The following FBXW8 variants were observed in gnomAD, a reference collection of about 807,000 sequenced individuals.
The protein encoded by FBXW8 is F-box/WD repeat-containing protein 8.
In FBXW8, 57 loss-of-function variants were observed where a neutral mutation model predicts 65.3. The observed-to-expected ratio is 0.87, with a 90% CI of 0.71 to 1.09. FBXW8 has a LOEUF of 1.09. Ranked by LOEUF, FBXW8 falls within the 50% of genes least tolerant of loss-of-function variation. The pLI is 0.00. For missense variants in FBXW8, 777 were observed against 814.8 expected (o/e 0.95, Z 0.57); for synonymous variants, 308 against 330.2 (o/e 0.93, Z 0.73).
chr12:116,999,668 G>A (rs1953463103), intron 7 of FBXW8, among the ~76,000 whole-genome samples: 1 of 152,118 alleles, frequency 6.6e-6, no homozygotes, highest in Non-Finnish European at 1.5e-5. Context: ...AGGAGCATGG[G>A]TAAGGCCCCG....
chr12:116,942,219 G>A (rs557556185), intron 2 of FBXW8, among the ~76,000 whole-genome samples: 7 of 151,364 alleles, frequency 4.6e-5, no homozygotes, highest in African/African-American at 1.5e-4. Context: ...TGTAGAGATG[G>A]GGTCTCACTG....
intron 8 of FBXW8, among the ~76,000 whole-genome samples, chr12:117,015,854 C>T (rs1953937229): frequency 1.3e-5 from 2 of 152,202 alleles, no homozygotes; most frequent in South Asian, 4.1e-4. Context: ...TCCCTCATCC[C>T]CTCCAGCTTT....
At chr12:116,968,976 C>T (rs1204366657) in intron 5 of FBXW8, among the ~76,000 whole-genome samples, 1 of 151,954 alleles carries the variant, frequency 6.6e-6, no homozygotes, top group Admixed American at 6.5e-5. Flanking sequence ...CTCGGAGAGC[C>T]CATTTCTACC....
chr12:116,993,261 G>A (rs982637964), intron 7 of FBXW8, among the ~76,000 whole-genome samples: 6 of 151,586 alleles, frequency 4.0e-5, no homozygotes, highest in Non-Finnish European at 5.9e-5. Flanking sequence ...GTGCCACCAC[G>A]CCTGGCTAAT....
At chr12:117,013,659 C>T (rs1420383013) in intron 8 of FBXW8, among the ~76,000 whole-genome samples, 2 of 152,122 alleles carry the variant, frequency 1.3e-5, no homozygotes, top group Non-Finnish European at 2.9e-5. Flanking sequence ...TGGACTTTTA[C>T]AATAGCATCA....
chr12:116,932,767 C>T (rs558084360), intron 2 of FBXW8, among the ~76,000 whole-genome samples: 7 of 152,134 alleles, frequency 4.6e-5, no homozygotes, highest in Non-Finnish European at 7.4e-5. Flanking sequence ...CTCTTGACCT[C>T]GTGATCCACC....
intron 8 of FBXW8, among the ~76,000 whole-genome samples, chr12:117,011,089 T>C (rs1301536480): frequency 1.3e-5 from 2 of 151,394 alleles, no homozygotes; most frequent in African/African-American, 4.9e-5. Context: ...AAATTTTAGG[T>C]TTCTCCCCGC....
intron 1 of FBXW8, among the ~76,000 whole-genome samples, chr12:116,912,689 T>C (rs987138269): frequency 6.6e-6 from 1 of 152,140 alleles, no homozygotes; most frequent in Non-Finnish European, 1.5e-5. Context: ...GGTCTCGATC[T>C]CCTGACCTCG....
At chr12:116,942,715 C>T (rs183200925) in intron 2 of FBXW8, among the ~76,000 whole-genome samples, 275 of 150,712 alleles carry the variant, frequency 1.8e-3, no homozygotes, top group Admixed American at 2.8e-3. Flanking sequence ...TGTTGTTGAG[C>T]GCCTTTAGGG....
rs1437296386 is a variant in FBXW8, at chr12:116,936,010, G to A, written c.423+7883G>A. On this transcript the variant is annotated intron_variant, in intron 2 of 10. Transcript: ENST00000652555. The surrounding 1 kb of genome is among the most constrained non-coding windows in gnomAD (Gnocchi z 4.6). ...GCTGAGAATAAAACATAAAAAACCAGCTTCTCAGAGAGCTTCCATTGTATA... is the reference window on the plus strand; with the variant it reads ...GCTGAGAATAAAACATAAAAAACCAACTTCTCAGAGAGCTTCCATTGTATA... Among the ~76,000 whole-genome samples, 3 of 124,476 alleles carry A rather than the reference G, an allele frequency of 2.4e-5. No homozygotes were observed. The highest frequency in any genetic ancestry group is 3.3e-5 in the Non-Finnish European group (2 of 60,484). 81.7% of individuals were successfully genotyped at this position (124,476 alleles called of 152,430 possible).
At chr12:117,011,371 T>C (rs1040226145) in intron 8 of FBXW8, among the ~76,000 whole-genome samples, 1 of 152,154 alleles carries the variant, frequency 6.6e-6, no homozygotes, top group Non-Finnish European at 1.5e-5. Context: ...AAATAATATT[T>C]TCACCTCCCA....
chr12:116,967,924 G>C (rs755177728), intron 5 of FBXW8, among the ~76,000 whole-genome samples: 20 of 151,964 alleles, frequency 1.3e-4, no homozygotes, highest in African/African-American at 4.6e-4. Flanking sequence ...CTGCCACCAC[G>C]CCCAGCTAAT....
chr12:117,025,299 A>G (rs1954196927), intron 9 of FBXW8, among the ~76,000 whole-genome samples: 1 of 152,090 alleles, frequency 6.6e-6, no homozygotes, highest in Non-Finnish European at 1.5e-5. Flanking sequence ...GTGTCACTGT[A>G]CTCCAGCCTG....
intron 7 of FBXW8, among the ~76,000 whole-genome samples, chr12:117,009,151 C>G (rs1277505818): frequency 6.6e-6 from 1 of 152,170 alleles, no homozygotes; most frequent in Non-Finnish European, 1.5e-5. Context: ...GCAGGGGGAT[C>G]ACTTGAGCTC....
chr12:116,924,472 T>A (rs1052824823), intron 1 of FBXW8, among the ~76,000 whole-genome samples: 7 of 152,180 alleles, frequency 4.6e-5, no homozygotes, highest in Admixed American at 3.9e-4. Flanking sequence ...ATACAATAAA[T>A]TGTTGTGAAT....
At chr12:116,911,469 A>C (rs1215630524) in intron 1 of FBXW8, 114 bp downstream of exon 1, 1 of 700,548 alleles carries the variant, frequency 1.4e-6, no homozygotes, top group Non-Finnish European at 2.0e-6. Context: ...CGAGAAAATG[A>C]GTAGACGCAC....
intron 5 of FBXW8, among the ~76,000 whole-genome samples, chr12:116,974,240 CTT>C (rs1167680585): frequency 6.6e-6 from 1 of 152,242 alleles, no homozygotes; most frequent in Non-Finnish European, 1.5e-5. Context: ...TCCCTCGAGT[CTT>C]TGGCTGAGTC....
In FBXW8 at chr12:116,988,811, C is replaced by G. The variant is rs781585590; in HGVS notation, c.1181C>G (p.Ser394Trp). 6.2e-7 allele frequency: 1 copy of G among 1,614,094 alleles called. No individual in the cohort carries two copies. The part of the protein sequence containing the change: ...HGPPVTCLDV[S>W]ANQVAFGVQG... The stretch of plus-strand genomic sequence containing the variant: ...CCGCCTGTCACATGTCTAGACGTCT[C>G]GGCCAACCAAGTTGCTTTTGGTGTA... The change falls in exon 7 of 11, where the codon TCG becomes TGG. Residue 394 changes from serine to tryptophan, a missense_variant. By Grantham distance (177) the Ser-to-Trp change is radical. Coordinates refer to ENST00000652555, the MANE Select transcript of FBXW8 (RefSeq NM_153348.3).
chr12:116,918,362 T>A (rs1431833396), intron 1 of FBXW8, among the ~76,000 whole-genome samples: 1 of 152,192 alleles, frequency 6.6e-6, no homozygotes, highest in Non-Finnish European at 1.5e-5. Flanking sequence ...GACTCTGGGC[T>A]GCAGGCAACA....
Sources: gnomAD v4.1 joint callset for allele counts (sites outside exome capture counted in the v4.1 genomes callset) on GRCh38, gnomAD v4.1.1 for gene constraint, Gnocchi (gnomAD v3.1) non-coding constraint, MANE v1.5 for transcripts, NCBI Gene and HGNC (gene_info 2026-07-23, HGNC 2026-07-21) for gene names.